CUBN: variants seen among roughly 807,000 people sequenced by gnomAD.
The protein encoded by CUBN is 460 kDa receptor.
In CUBN, 282 loss-of-function variants were observed where a neutral mutation model predicts 405.3. That is an observed-to-expected ratio of 0.70 (90% CI 0.63 to 0.77). The LOEUF (loss-of-function observed/expected upper bound fraction) is 0.77. CUBN is among the 30% of genes least tolerant of loss of function. The probability of loss-of-function intolerance (pLI) is 0.00; values close to 1 mark genes in which losing one functional copy is unlikely to be tolerated. For synonymous variants in CUBN, 1,684 were observed against 1,617.0 expected (o/e 1.04, Z -0.99); for missense variants, 4,514 against 4,475.2 (o/e 1.01, Z -0.25).
At chr10:17,099,351 A>T (rs950418852) in intron 14 of CUBN, among the ~76,000 whole-genome samples, 1 of 152,208 alleles carries the variant, frequency 6.6e-6, no homozygotes, top group Non-Finnish European at 1.5e-5. Context: ...GTGATCATTA[A>T]GATGAAGGAA....
chr10:17,081,350 G>A (rs1835962193), intron 17 of CUBN, among the ~76,000 whole-genome samples: 1 of 152,148 alleles, frequency 6.6e-6, no homozygotes, highest in South Asian at 2.1e-4. Flanking sequence ...CCACATCTCT[G>A]TAGAATTTCT....
At chr10:17,021,677 T>G (rs1396586277) in intron 27 of CUBN, among the ~76,000 whole-genome samples, 2 of 152,270 alleles carry the variant, frequency 1.3e-5, no homozygotes, top group Admixed American at 6.5e-5. Flanking sequence ...AAATATTGTT[T>G]GAAACATATT....
At chr10:16,966,405 C>G (rs1347191024) in intron 31 of CUBN, among the ~76,000 whole-genome samples, 1 of 152,144 alleles carries the variant, frequency 6.6e-6, no homozygotes, top group Non-Finnish European at 1.5e-5. Flanking sequence ...CCGCCATTCT[C>G]TGGTCTAGTG....
chr10:16,987,242 C>T (rs1277275993), intron 29 of CUBN, among the ~76,000 whole-genome samples: 1 of 152,142 alleles, frequency 6.6e-6, no homozygotes, highest in Non-Finnish European at 1.5e-5. Flanking sequence ...ACAAATAAAA[C>T]CGATAGTACA....
rs751207258 is a variant in CUBN at position 17,047,621 on chromosome 10, C to T, written c.3140-18G>A. The T allele has an allele frequency of 1.2e-6, 2 of 1,605,638 alleles. No homozygotes were observed. Among genetic ancestry groups the T allele is most frequent in the African/African-American group, 1.3e-5 (1 of 74,686 alleles). On this transcript the variant is annotated intron_variant, in intron 22 of 66. Transcript: ENST00000377833. ...CAAACATGCTGTGAACAGAAACAGA[C>T]CATAAGAGAGAAAATAGAAAATATT...
Position 16,947,319 on chromosome 10 carries a change from C to G in CUBN, c.5258G>C (p.Gly1753Ala). The change falls in exon 36 of 67, where the codon GGC becomes GCC. Residue 1753 changes from glycine to alanine, a missense_variant. By Grantham distance (60) the Gly-to-Ala change is moderately conservative (BLOSUM62 0). Around this residue, in one of 5 missense-constraint regions of CUBN, gnomAD observed 1,613 missense variants for 1,542.8 expected, o/e 1.05. Transcript: ENST00000377833. Reference protein sequence around the residue: ...YMAEGIFNSPGYPDIYPPNVE... With the variant: ...YMAEGIFNSPAYPDIYPPNVE... ...ATTAGGGGGATAAATGTCTGGGTAG[C>G]CAGGGCTGTTGAAGATGCCTTCAGC... The G allele has an allele frequency of 1.2e-6, 2 of 1,614,030 alleles. No homozygotes were observed. Among genetic ancestry groups the G allele is most frequent in the Admixed American group, 1.7e-5 (1 of 60,016 alleles).
At chr10:16,988,811 G>C (rs558425647) in intron 29 of CUBN, among the ~76,000 whole-genome samples, 1 of 152,254 alleles carries the variant, frequency 6.6e-6, no homozygotes, top group South Asian at 2.1e-4. Flanking sequence ...TCAGTTATTA[G>C]CTCTTCCACT....
rs1430562314 is a variant in CUBN at position 17,115,601 on chromosome 10, T to C, written c.594-4A>G. On this transcript the variant is annotated splice_polypyrimidine_tract_variant and splice_region_variant and intron_variant, in intron 6 of 66. Coordinates refer to ENST00000377833, the MANE Select transcript of CUBN (RefSeq NM_001081.4). ...CGTCTCAGGTGGGCAGTGACAACTG[T>C]TGGTTACACAAGAGCACAATGTCAG... The C allele has an allele frequency of 6.2e-7, 1 of 1,614,072 alleles. No homozygotes were observed. Among genetic ancestry groups the C allele is most frequent in the African/African-American group, 1.3e-5 (1 of 74,950 alleles).
chr10:16,984,510 T>A (rs1833365258), intron 29 of CUBN, among the ~76,000 whole-genome samples: 1 of 152,180 alleles, frequency 6.6e-6, no homozygotes, highest in Non-Finnish European at 1.5e-5. Flanking sequence ...GCTTGTTTCA[T>A]CAGCCAGAAT....
At chr10:17,072,214 T>C (rs761202630) in intron 17 of CUBN, among the ~76,000 whole-genome samples, 23 of 152,138 alleles carry the variant, frequency 1.5e-4, no homozygotes, top group Non-Finnish European at 2.9e-4. Context: ...AATGTTCTCC[T>C]AATAATTTTC....
intron 31 of CUBN, among the ~76,000 whole-genome samples, chr10:16,964,902 A>G (rs1198165739): frequency 6.6e-6 from 1 of 152,208 alleles, no homozygotes; most frequent in African/African-American, 2.4e-5. Flanking sequence ...AGACAACTGT[A>G]TCGTAGACAT....
chr10:17,017,652 T>A (rs1212619729), intron 28 of CUBN, among the ~76,000 whole-genome samples: 2 of 152,126 alleles, frequency 1.3e-5, no homozygotes, highest in Non-Finnish European at 2.9e-5. Context: ...TGAGGAGGGA[T>A]CCTAAAATTC....
intron 25 of CUBN, 93 bp from the exon 26 acceptor site, chr10:17,044,076 T>C: frequency 3.5e-6 from 2 of 576,304 alleles, no homozygotes; most frequent in Non-Finnish European, 2.9e-6. Context: ...AAAAAATATA[T>C]ATATTTATTA....
chr10:17,068,706 G>T lies in CUBN; in HGVS notation c.2690C>A (p.Ser897Ter). 7 of 1,611,768 alleles carry T rather than the reference G, an allele frequency of 4.3e-6. No individual in the cohort carries two copies. The highest frequency in any genetic ancestry group is 5.9e-6 in the Non-Finnish European group (7 of 1,178,174). The change falls in exon 20 of 67, where the codon TCA becomes TAA. Residue 897 changes from serine to a stop codon, truncating the protein, a stop_gained. Coordinates refer to ENST00000377833, the MANE Select transcript of CUBN (RefSeq NM_001081.4). LOFTEE classifies it high-confidence loss of function. Reference sequence around the variant, plus strand: ...AAAATTGTACACAGATGTTATAAATGAAGGTATGTCTGTACCGCAATACTT... The same window carrying T: ...AAAATTGTACACAGATGTTATAAATTAAGGTATGTCTGTACCGCAATACTT... ...NKKYCGTDIP[S>*]FITSVYNFLY...
intron 44 of CUBN, 33 bp from the exon 45 acceptor site, chr10:16,918,833 A>C (rs767110972): frequency 1.3e-6 from 2 of 1,578,906 alleles, no homozygotes; most frequent in African/African-American, 2.7e-5. Flanking sequence ...TTAAATTTAC[A>C]TGGTCAGATG....
chr10:16,825,790 G>T (rs1331955923), intron 66 of CUBN, among the ~76,000 whole-genome samples: 1 of 151,758 alleles, frequency 6.6e-6, no homozygotes, highest in East Asian at 1.9e-4. Flanking sequence ...AGCAAAACAG[G>T]CAAAAAGCCC....
intron 27 of CUBN, chr10:17,023,461 G>T (rs1178458279): frequency 3.2e-6 from 1 of 310,350 alleles, no homozygotes; most frequent in African/African-American, 2.1e-5. Flanking sequence ...ACACAGATGG[G>T]TAACGTCACC....
At chr10:16,935,984 C>T (rs768690256) in intron 39 of CUBN, among the ~76,000 whole-genome samples, 2 of 150,708 alleles carry the variant, frequency 1.3e-5, no homozygotes, top group Non-Finnish European at 2.9e-5. Flanking sequence ...GTTTTAATGA[C>T]ACTTTCACAG....
intron 10 of CUBN, among the ~76,000 whole-genome samples, chr10:17,106,480 C>T (rs1836633532): frequency 6.6e-6 from 1 of 151,218 alleles, no homozygotes; most frequent in South Asian, 2.1e-4. Flanking sequence ...GGCCTGTAGT[C>T]CAGGCTAATC....
Sources: allele counts gnomAD v4.1 joint callset (sites outside exome capture counted in the v4.1 genomes callset), GRCh38; gene constraint gnomAD v4.1.1; regional missense constraint gnomAD v4.1.1; transcripts MANE v1.5; gene names NCBI Gene and HGNC (gene_info 2026-07-23, HGNC 2026-07-21).